Variants in OR51B5 observed in about 807,000 individuals in gnomAD.
The protein encoded by OR51B5 is olfactory receptor family 51 subfamily B member 5, also known as olfactory receptor 51B5.
For synonymous variants in OR51B5, 186 were observed against 144.8 expected (o/e 1.28, Z -2.04); for missense variants, 456 against 374.6 (o/e 1.22, Z -1.79).
chr11:5,353,576 G>A (rs116762758), intron 1 of OR51B5, among the ~76,000 whole-genome samples: 47 of 152,322 alleles, frequency 3.1e-4, no homozygotes, highest in African/African-American at 1.0e-3. Context: ...CAGAGTCTAG[G>A]CATGAGAAGA....
chr11:5,453,677 G>A lies in OR51B5; in HGVS notation n.84+51892C>T, dbSNP rs1364150129. 4.3e-6 allele frequency: 7 copies of A among 1,613,328 alleles called. No homozygotes were observed. In the East Asian group the frequency reaches 1.3e-4, roughly 31 times the overall value. On this transcript the variant is annotated intron_variant and non_coding_transcript_variant, in intron 1 of 4. Coordinates refer to the OR51B5 transcript ENST00000415970. ...TCCATGAGCCCATGTACTACTTCCT[G>A]TCCATGTTGTCCTTCAGTGATGTGG...
At chr11:5,423,036 C>G (rs1169357670) in intron 1 of OR51B5, 1 of 1,614,014 alleles carries the variant, frequency 6.2e-7, no homozygotes, top group African/African-American at 1.3e-5. Context: ...GTTATCATGG[C>G]CAATATCTAC....
chr11:5,407,025 G>T (rs1183471862), intron 1 of OR51B5, among the ~76,000 whole-genome samples: 1 of 151,924 alleles, frequency 6.6e-6, no homozygotes, highest in East Asian at 1.9e-4. Flanking sequence ...TAAAAGATTT[G>T]AAAAACATCA....
chr11:5,479,832 C>G (rs1851386358), intron 1 of OR51B5, among the ~76,000 whole-genome samples: 1 of 143,294 alleles, frequency 7.0e-6, no homozygotes, highest in African/African-American at 2.6e-5. Flanking sequence ...TATATATGCA[C>G]CCAATACAGG....
In OR51B5 at chr11:5,378,357, C is replaced by T. The variant is rs562140519; in HGVS notation, n.85-31447G>A. On this transcript the variant is annotated intron_variant and non_coding_transcript_variant, in intron 1 of 4. Transcript: ENST00000415970. ...ACATTAGACCTAAAACCATAAAAAC[C>T]CTAGAAGAAAACGCAGGCATTACCA... is the stretch of plus-strand genomic sequence containing the variant. Among the ~76,000 whole-genome samples the T allele has an allele frequency of 2.0e-4, 30 of 151,926 alleles. No individual in the cohort carries two copies. In the South Asian group the frequency reaches 4.6e-3, roughly 23 times the overall value.
intron 1 of OR51B5, among the ~76,000 whole-genome samples, chr11:5,457,514 G>A (rs1003008758): frequency 6.6e-6 from 1 of 151,890 alleles, no homozygotes; most frequent in Admixed American, 6.6e-5. Flanking sequence ...GGGTCAATGG[G>A]TAGCTCTAAG....
intron 1 of OR51B5, among the ~76,000 whole-genome samples, chr11:5,384,789 T>A (rs751396767): frequency 2.0e-5 from 3 of 152,196 alleles, no homozygotes; most frequent in Non-Finnish European, 4.4e-5. Flanking sequence ...AAACAACACC[T>A]TGTAACTTCC....
At chr11:5,366,857 A>G (rs1010775796) in intron 1 of OR51B5, among the ~76,000 whole-genome samples, 2 of 152,194 alleles carry the variant, frequency 1.3e-5, no homozygotes, top group Admixed American at 6.5e-5. Context: ...TGTGCAATGC[A>G]GGACTGGGAA....
In OR51B5 at chr11:5,422,349, T is replaced by C. The variant is rs373261199; in HGVS notation, n.85-75439A>G. ...ATGGGCAATACCACCATCCTCACTG[T>C]CATTCGCACAGAGCCATCTGTCCAC... On this transcript the variant is annotated intron_variant and non_coding_transcript_variant, in intron 1 of 4. Coordinates refer to the OR51B5 transcript ENST00000415970. 3.7e-6 allele frequency: 6 copies of C among 1,614,030 alleles called. No individual in the cohort carries two copies. The Admixed American group carries it at 5.0e-5, about 13-fold the overall frequency.
In OR51B5 at chr11:5,352,287, T is replaced by C. The variant is rs772018312; in HGVS notation, n.85-5377A>G. On this transcript the variant is annotated intron_variant and non_coding_transcript_variant, in intron 1 of 4. Coordinates refer to the OR51B5 transcript ENST00000415970. ...CTGTAGTTTGTCTGACATTTATTCA[T>C]AGGTTTGGAAAGCATGTTCCTCATG... is the stretch of plus-strand genomic sequence containing the variant. 15 of 1,614,102 alleles carry C rather than the reference T, an allele frequency of 9.3e-6. No individual in the cohort carries two copies. The Admixed American group carries it at 1.0e-4, about 11-fold the overall frequency.
rs1360723025 is a variant in OR51B5 at position 5,457,937 on chromosome 11, T to C, written n.84+47632A>G. Reference sequence around the variant, plus strand: ...TTGTCTATTCAGTCTATTGATAGCTTCTTTTGCTGTGCCAAAGGTCTTTAG... The same window carrying C: ...TTGTCTATTCAGTCTATTGATAGCTCCTTTTGCTGTGCCAAAGGTCTTTAG... On this transcript the variant is annotated intron_variant and non_coding_transcript_variant, in intron 1 of 4. Transcript: ENST00000415970. Among the ~76,000 whole-genome samples the C allele has an allele frequency of 5.9e-5, 9 of 152,330 alleles. No homozygotes were observed. In the South Asian group the frequency reaches 1.9e-3, roughly 32 times the overall value.
chr11:5,467,123 A>G (rs942939355), intron 1 of OR51B5, among the ~76,000 whole-genome samples: 7 of 152,184 alleles, frequency 4.6e-5, no homozygotes, highest in Non-Finnish European at 1.0e-4. Context: ...GAGCACTTAG[A>G]GCCTGCAAGT....
Position 5,505,375 on chromosome 11 carries a change from G to A in OR51B5, n.84+194C>T, listed in dbSNP as rs779363092. ...CCTCATGAACGGAAGAAAATGGAGA[G>A]GCAAGACTTTCCTCTTCATTTCCCC... On this transcript the variant is annotated intron_variant and non_coding_transcript_variant, in intron 1 of 4. Transcript: ENST00000415970. The A allele has an allele frequency of 1.2e-5, 16 of 1,304,086 alleles. 1 individual carries two copies. In the East Asian group the frequency reaches 6.7e-4, roughly 54 times the overall value. The allele number at this position is 1,304,086 out of a possible 1,614,324, so 80.8% of individuals were successfully genotyped here.
At chr11:5,450,218 G>C (rs1850823610) in intron 1 of OR51B5, among the ~76,000 whole-genome samples, 2 of 151,892 alleles carry the variant, frequency 1.3e-5, no homozygotes, top group Non-Finnish European at 2.9e-5. Flanking sequence ...GTGAAACCCT[G>C]TCTCTATTAA....
intron 1 of OR51B5, among the ~76,000 whole-genome samples, chr11:5,420,795 T>C (rs1259445952): frequency 6.6e-6 from 1 of 152,332 alleles, no homozygotes; most frequent in Non-Finnish European, 1.5e-5. Flanking sequence ...TAGCTAACTA[T>C]TGAATAATTT....
At chr11:5,349,943 T>C (rs752696733) in intron 1 of OR51B5, among the ~76,000 whole-genome samples, 44 of 152,178 alleles carry the variant, frequency 2.9e-4, no homozygotes, top group Middle Eastern at 3.4e-3. Context: ...TATAGTTTAA[T>C]ATCTTTATTT....
chr11:5,461,248 C>A (rs1240947144), intron 1 of OR51B5, among the ~76,000 whole-genome samples: 1 of 152,156 alleles, frequency 6.6e-6, no homozygotes, highest in Non-Finnish European at 1.5e-5. Flanking sequence ...TGTTGAGAGG[C>A]TGCAGGCCAG....
At chr11:5,410,870 T>TA (rs2133749959) in intron 1 of OR51B5, among the ~76,000 whole-genome samples, 2 of 152,170 alleles carry the variant, frequency 1.3e-5, no homozygotes, top group South Asian at 4.2e-4. Flanking sequence ...ATTTTAAAAA[T>TA]AAAAAATGTG....
At chr11:5,397,456 A>T (rs1156721447) in intron 1 of OR51B5, among the ~76,000 whole-genome samples, 3 of 152,062 alleles carry the variant, frequency 2.0e-5, no homozygotes. Context: ...AAAAATGCTC[A>T]TCATCACTGG....
Sources: gnomAD v4.1 joint callset for allele counts (sites outside exome capture counted in the v4.1 genomes callset) on GRCh38, gnomAD v4.1.1 for gene constraint, MANE v1.5 for transcripts, NCBI Gene and HGNC (gene_info 2026-07-23, HGNC 2026-07-21) for gene names.